Variants in HPSE2 observed in about 807,000 individuals in gnomAD.
The protein encoded by HPSE2 is heparanase 2 (inactive), also known as inactive heparanase-2.
Under a neutral mutation model 60.5 loss-of-function variants are expected in HPSE2, and 38 were observed. The ratio of observed to expected loss-of-function variants is 0.63; its 90% CI spans 0.48 to 0.82. HPSE2 has a LOEUF of 0.82. Among genes scored for constraint, HPSE2 ranks in the 40% least tolerant of loss-of-function variants. The pLI, the probability that HPSE2 is intolerant of heterozygous loss-of-function variation, is 0.00. For synonymous variants in HPSE2, 295 were observed against 293.2 expected (o/e 1.01, Z -0.06); for missense variants, 713 against 740.4 (o/e 0.96, Z 0.43).
chr10:98,751,178 C>T (rs963736148), intron 3 of HPSE2, among the ~76,000 whole-genome samples: 1 of 152,106 alleles, frequency 6.6e-6, no homozygotes, highest in Non-Finnish European at 1.5e-5. Context: ...CATTATTTGA[C>T]AGAGACGATT....
chr10:98,604,026 CCCAT>C (rs1945507936), intron 9 of HPSE2, among the ~76,000 whole-genome samples: 1 of 152,130 alleles, frequency 6.6e-6, no homozygotes, highest in South Asian at 2.1e-4. Flanking sequence ...TTCCTCTCCC[CCCAT>C]ACCTTACCAC....
chr10:98,822,247 A>T (rs1433615688), intron 3 of HPSE2, among the ~76,000 whole-genome samples: 1 of 152,122 alleles, frequency 6.6e-6, no homozygotes, highest in Non-Finnish European at 1.5e-5. Flanking sequence ...GGTCATTTTA[A>T]CCTACCTAAT....
chr10:98,601,762 T>A (rs1461810356), intron 9 of HPSE2, among the ~76,000 whole-genome samples: 3 of 152,138 alleles, frequency 2.0e-5, no homozygotes, highest in African/African-American at 7.2e-5. Flanking sequence ...TTAGACCCAC[T>A]GCATGTGTAG....
intron 9 of HPSE2, among the ~76,000 whole-genome samples, chr10:98,538,880 A>G (rs1016470195): frequency 6.6e-6 from 1 of 152,188 alleles, no homozygotes. Flanking sequence ...GCATAAGCAT[A>G]CGCATTTGCG....
intron 9 of HPSE2, among the ~76,000 whole-genome samples, chr10:98,548,741 T>C (rs1361671565): frequency 2.6e-5 from 4 of 152,190 alleles, no homozygotes; most frequent in African/African-American, 7.2e-5. Flanking sequence ...GAAGCTGAGA[T>C]GTTAGGCCCA....
At chr10:98,544,429 G>T (rs933402229) in intron 9 of HPSE2, among the ~76,000 whole-genome samples, 1 of 152,066 alleles carries the variant, frequency 6.6e-6, no homozygotes, top group Non-Finnish European at 1.5e-5. Flanking sequence ...AACTAGAGAA[G>T]GCCGGGCGCG....
chr10:98,583,527 G>T (rs1944860390), intron 9 of HPSE2, among the ~76,000 whole-genome samples: 2 of 152,154 alleles, frequency 1.3e-5, no homozygotes, highest in South Asian at 4.1e-4. Flanking sequence ...ATCAGAACTT[G>T]CCTGCTCCTG....
intron 3 of HPSE2, among the ~76,000 whole-genome samples, chr10:99,033,946 C>T (rs1957554275): frequency 6.6e-6 from 1 of 152,100 alleles, no homozygotes; most frequent in East Asian, 1.9e-4. Flanking sequence ...TACATTTGAC[C>T]TGGAAATCTC....
the HPSE2 span, among the ~76,000 whole-genome samples, chr10:99,286,738 G>A: frequency 6.6e-6 from 1 of 152,070 alleles, no homozygotes; most frequent in Admixed American, 6.6e-5. Flanking sequence ...AAAAATTAAT[G>A]TGTTAAAAAA....
chr10:98,753,060 G>GT (rs1949795245), intron 3 of HPSE2, among the ~76,000 whole-genome samples: 1 of 152,142 alleles, frequency 6.6e-6, no homozygotes, highest in Non-Finnish European at 1.5e-5. Flanking sequence ...GGAGGTGGGG[G>GT]TGAGGAGGTG....
chr10:99,069,897 G>C (rs922678135), intron 3 of HPSE2, among the ~76,000 whole-genome samples: 2 of 151,992 alleles, frequency 1.3e-5, no homozygotes, highest in Non-Finnish European at 2.9e-5. Context: ...GGGATAATTT[G>C]TCCATAACAA....
chr10:98,485,851 T>C (rs1171098774), intron 10 of HPSE2, among the ~76,000 whole-genome samples: 1 of 150,780 alleles, frequency 6.6e-6, no homozygotes, highest in African/African-American at 2.4e-5. Context: ...GTTTCTCCTC[T>C]GCAGAGCTGG....
intron 3 of HPSE2, among the ~76,000 whole-genome samples, chr10:98,954,958 T>A (rs1004752956): frequency 4.3e-4 from 50 of 117,534 alleles, no homozygotes; most frequent in South Asian, 1.5e-3. Context: ...AGCATCAATT[T>A]TATATATATA....
At chr10:99,141,703 G>T (rs1845872915) in intron 3 of HPSE2, among the ~76,000 whole-genome samples, 1 of 152,120 alleles carries the variant, frequency 6.6e-6, no homozygotes, top group Non-Finnish European at 1.5e-5. Flanking sequence ...GTTTAACAGG[G>T]ATCATTAGCT....
At chr10:99,300,531 G>A in the HPSE2 span, among the ~76,000 whole-genome samples, 2 of 152,182 alleles carry the variant, frequency 1.3e-5, no homozygotes, top group African/African-American at 4.8e-5. Context: ...GTACCATGGG[G>A]TACCATGTTT....
At chr10:98,974,679 T>C (rs539869999) in intron 3 of HPSE2, among the ~76,000 whole-genome samples, 22 of 152,338 alleles carry the variant, frequency 1.4e-4, no homozygotes, top group Admixed American at 1.3e-3. Context: ...TCTACTTGTA[T>C]GTTAGGCATT....
chr10:98,559,088 G>T (rs920399229), intron 9 of HPSE2, among the ~76,000 whole-genome samples: 1 of 152,168 alleles, frequency 6.6e-6, no homozygotes. Flanking sequence ...CTGGAGTGCA[G>T]TGGCGCAATC....
chr10:98,978,186 A>C (rs1018384189), intron 3 of HPSE2, among the ~76,000 whole-genome samples: 1 of 152,172 alleles, frequency 6.6e-6, no homozygotes, highest in Non-Finnish European at 1.5e-5. Flanking sequence ...TAAAGCCTTC[A>C]ATAAGTATGT....
intron 2 of HPSE2, among the ~76,000 whole-genome samples, chr10:99,165,694 G>A (rs536492404): frequency 6.6e-6 from 1 of 151,958 alleles, no homozygotes; most frequent in African/African-American, 2.4e-5. Flanking sequence ...TTACAGATGC[G>A]TGTCACCATG....
Sources: gnomAD v4.1 joint callset for allele counts (sites outside exome capture counted in the v4.1 genomes callset) on GRCh38, gnomAD v4.1.1 for gene constraint, MANE v1.5 for transcripts, NCBI Gene and HGNC (gene_info 2026-07-23, HGNC 2026-07-21) for gene names.